Variants in ENAH observed in about 807,000 individuals in gnomAD.
ENAH encodes protein enabled homolog.
A neutral mutation model predicts 78.7 loss-of-function variants in ENAH; 23 were observed. The ratio of observed to expected loss-of-function variants is 0.29; its 90% CI spans 0.21 to 0.41. The LOEUF (loss-of-function observed/expected upper bound fraction) is 0.41, where lower values mean the gene tolerates loss of function less well. ENAH is among the 10% of genes least tolerant of loss of function. ENAH has a pLI of 1.00. For synonymous variants in ENAH, 226 were observed against 241.0 expected, an observed-to-expected ratio of 0.94 and a Z score of 0.58; for missense variants, 544 against 691.0, an observed-to-expected ratio of 0.79 and a Z score of 2.39.
intron 2 of ENAH, among the ~76,000 whole-genome samples, chr1:225,559,054 C>G (rs1165532410): frequency 6.6e-6 from 1 of 152,154 alleles, no homozygotes; most frequent in Non-Finnish European, 1.5e-5. Context: ...AACAATACTT[C>G]TTTTTCAAGA....
At position 225,567,297 on chromosome 1, in the gene ENAH, T is replaced by C; in HGVS notation, c.123A>G (p.Thr41=). The C allele has an allele frequency of 3.1e-6, 5 of 1,614,124 alleles. No homozygotes were observed. The highest frequency in any genetic ancestry group is 4.2e-6 in the Non-Finnish European group (5 of 1,180,008). The change falls in exon 2 of 14, where the codon ACA becomes ACG. Residue 41 remains threonine, a synonymous_variant. Coordinates refer to ENST00000366843, the MANE Select transcript of ENAH (RefSeq NM_018212.6). ...CCACCACTCTGAATGTGTTGTTGCC[T>C]GTATGGTGATAGATATGAACTCTGC... The part of the protein sequence containing the change: ...GFSRVHIYHH[T]GNNTFRVVGR...
intron 1 of ENAH, among the ~76,000 whole-genome samples, chr1:225,638,672 A>T (rs1660492530): frequency 6.6e-6 from 1 of 152,210 alleles, no homozygotes; most frequent in African/African-American, 2.4e-5. Context: ...TAATTCCAAG[A>T]GCAATGGGAA....
At chr1:225,533,496 C>T (rs974312236) in intron 3 of ENAH, among the ~76,000 whole-genome samples, 1 of 152,066 alleles carries the variant, frequency 6.6e-6, no homozygotes, top group African/African-American at 2.4e-5. Context: ...GGAAGAACAA[C>T]CAAGGTTAAG....
At chr1:225,634,642 C>A (rs1437211397) in intron 1 of ENAH, among the ~76,000 whole-genome samples, 4 of 152,218 alleles carry the variant, frequency 2.6e-5, no homozygotes, top group Admixed American at 2.6e-4. Context: ...CTGCGAATAT[C>A]ATTTCCCTAG....
chr1:225,563,890 T>TG (rs1293728138), intron 2 of ENAH, among the ~76,000 whole-genome samples: 1 of 152,196 alleles, frequency 6.6e-6, no homozygotes, highest in Non-Finnish European at 1.5e-5. Context: ...TTTTAAAATT[T>TG]GGGGGGCAGA....
chr1:225,588,801 CAAAAAAAAAAAA>C (rs55962047), intron 1 of ENAH, among the ~76,000 whole-genome samples: 19 of 78,428 alleles, frequency 2.4e-4, no homozygotes, highest in South Asian at 4.1e-4. Context: ...AAGTCTGTGT[CAAAAAAAAAAAA>C]AAAAAAAAAA....
intron 1 of ENAH, among the ~76,000 whole-genome samples, chr1:225,624,247 G>A (rs1282312474): frequency 6.6e-6 from 1 of 152,048 alleles, no homozygotes; most frequent in East Asian, 1.9e-4. Context: ...AGACCAGCCT[G>A]GGCAACACAG....
At chr1:225,500,331 A>C (rs2096274870) in intron 12 of ENAH, among the ~76,000 whole-genome samples, 1 of 152,206 alleles carries the variant, frequency 6.6e-6, no homozygotes, top group South Asian at 2.1e-4. Flanking sequence ...TATGAATCCA[A>C]ACGTGGACAG....
At chr1:225,636,798 T>C (rs758315792) in intron 1 of ENAH, among the ~76,000 whole-genome samples, 2 of 152,282 alleles carry the variant, frequency 1.3e-5, no homozygotes, top group Admixed American at 1.3e-4. Flanking sequence ...TGATATAAAG[T>C]GTTCAGAGAA....
At chr1:225,498,501 T>C (rs1395784330) in intron 12 of ENAH, 97 bp from the exon 13 acceptor site, 1 of 749,394 alleles carries the variant, frequency 1.3e-6, no homozygotes, top group South Asian at 1.9e-5. Flanking sequence ...AAATATGATG[T>C]GTAGTTTTTT....
At chr1:225,571,414 G>A (rs1471970086) in intron 1 of ENAH, among the ~76,000 whole-genome samples, 2 of 151,926 alleles carry the variant, frequency 1.3e-5, no homozygotes, top group African/African-American at 4.8e-5. Context: ...AAGAAAAGTT[G>A]CACTTGGGGG....
chr1:225,500,293 T>C (rs921912557), intron 12 of ENAH, among the ~76,000 whole-genome samples: 1 of 152,238 alleles, frequency 6.6e-6, no homozygotes, highest in African/African-American at 2.4e-5. Flanking sequence ...TACTTTTTCC[T>C]GAGTACATAG....
Position 225,618,177 on chromosome 1 carries a change from C to G in ENAH, c.5+34509G>C, listed in dbSNP as rs541187757. Among the ~76,000 whole-genome samples the G allele has an allele frequency of 6.6e-5, 10 of 152,272 alleles. No homozygotes were observed. The East Asian group carries it at 1.9e-3, about 29-fold the overall frequency. ...ATTGTTCAACAGCTGTTGCCCTTGCCAAACTGGTCTCCATTCTCATCCAAA... is the reference window on the plus strand; with the variant it reads ...ATTGTTCAACAGCTGTTGCCCTTGCGAAACTGGTCTCCATTCTCATCCAAA... On this transcript the variant is annotated intron_variant, in intron 1 of 13. Transcript: ENST00000366843.
intron 1 of ENAH, among the ~76,000 whole-genome samples, chr1:225,629,074 T>C (rs746476548): frequency 1.3e-5 from 2 of 150,782 alleles, no homozygotes; most frequent in Non-Finnish European, 2.9e-5. Context: ...GGTCAAGAGT[T>C]CGGGACCAGC....
At chr1:225,653,341 G>A (rs2148548327), upstream of ENAH, among the ~76,000 whole-genome samples, 1 of 151,720 alleles carries the variant, frequency 6.6e-6, no homozygotes, top group Admixed American at 6.5e-5. The surrounding 1 kb of genome is among the most constrained non-coding windows in gnomAD (Gnocchi z 4.3). Flanking sequence ...CGACGGCGGC[G>A]GCGGCGGAGA....
intron 2 of ENAH, among the ~76,000 whole-genome samples, chr1:225,563,447 T>C (rs780432744): frequency 6.6e-6 from 1 of 152,232 alleles, no homozygotes. Context: ...CCATATCAGC[T>C]TAACAAGATT....
At chr1:225,508,196 C>T (rs920363391) in intron 10 of ENAH, among the ~76,000 whole-genome samples, 179 bp from the exon 11 acceptor site, 3 of 151,746 alleles carry the variant, frequency 2.0e-5, no homozygotes, top group African/African-American at 7.3e-5. Flanking sequence ...AATGCCAGAC[C>T]TTAAAATGAG....
chr1:225,613,676 T>C (rs1212829750), intron 1 of ENAH, among the ~76,000 whole-genome samples: 1 of 152,162 alleles, frequency 6.6e-6, no homozygotes, highest in African/African-American at 2.4e-5. Context: ...TAACTAATTA[T>C]AAACTCTTCC....
At position 225,487,714 on chromosome 1, in the gene ENAH, A is replaced by G. The variant is rs1316041350; in HGVS notation, c.*10061T>C. 6.6e-6 allele frequency: 1 copy of G among 152,266 alleles called. No individual in the cohort carries two copies. Among genetic ancestry groups the G allele is most frequent in the East Asian group, 1.9e-4 (1 of 5,206 alleles). 9.4% of individuals were successfully genotyped at this position (152,266 alleles called of 1,614,324 possible). ...CCATTCATGGGGTGCAAATGTTTAC[A>G]TTGTTAGCAAAGAAAATAGCTCTGC... On this transcript the variant is annotated 3_prime_UTR_variant, in exon 14 of 14. Coordinates refer to ENST00000366843, the MANE Select transcript of ENAH (RefSeq NM_018212.6).
Sources: gnomAD v4.1 joint callset for allele counts (sites outside exome capture counted in the v4.1 genomes callset) on GRCh38, gnomAD v4.1.1 for gene constraint, Gnocchi (gnomAD v3.1) non-coding constraint, MANE v1.5 for transcripts, NCBI Gene and HGNC (gene_info 2026-07-23, HGNC 2026-07-21) for gene names.